GALNT16: variants seen among roughly 807,000 people sequenced by gnomAD.
The protein encoded by GALNT16 is UDP-GalNAc:polypeptide N-acetylgalactosaminyltransferase-like protein 1.
GALNT16 carries 40 observed loss-of-function variants against 76.1 expected under a neutral mutation model. The observed-to-expected ratio is 0.53, with a 90% CI of 0.41 to 0.68. GALNT16 has a LOEUF of 0.68. GALNT16 is among the 30% of genes least tolerant of loss of function. The pLI, the probability that GALNT16 is intolerant of heterozygous loss-of-function variation, is 0.00. For synonymous variants in GALNT16, 276 were observed against 285.2 expected (o/e 0.97, Z 0.32); for missense variants, 621 against 731.9 (o/e 0.85, Z 1.75).
chr14:69,326,720 C>T (rs1180570067), intron 5 of GALNT16, among the ~76,000 whole-genome samples: 1 of 152,266 alleles, frequency 6.6e-6, no homozygotes, highest in East Asian at 1.9e-4. Flanking sequence ...GCAATACTAA[C>T]AGCCCCTTTC....
chr14:69,332,991 G>A, intron 7 of GALNT16, 94 bp from the exon 8 acceptor site: 1 of 864,226 alleles, frequency 1.2e-6, no homozygotes, highest in Non-Finnish European at 2.0e-6. Context: ...CCAGGGCTCT[G>A]ATCAGGGGAG....
At chr14:69,295,864 T>C (rs564814941) in intron 1 of GALNT16, among the ~76,000 whole-genome samples, 2 of 152,296 alleles carry the variant, frequency 1.3e-5, no homozygotes, top group South Asian at 2.1e-4. Flanking sequence ...TAAGAAGATA[T>C]TTCTTTCACT....
chr14:69,356,325 G>A (rs762822824), downstream of GALNT16: 2 of 152,192 alleles, frequency 1.3e-5, no homozygotes, highest in Admixed American at 6.5e-5. Flanking sequence ...CTAGGGGTGC[G>A]GACTCTTGGG....
intron 1 of GALNT16, among the ~76,000 whole-genome samples, chr14:69,295,069 C>T (rs745835982): frequency 8.6e-5 from 13 of 152,022 alleles, no homozygotes; most frequent in African/African-American, 2.4e-4. Flanking sequence ...TAATCTATTA[C>T]GAAAAAATTT....
chr14:69,331,663 A>T lies in GALNT16; in HGVS notation c.778+112A>T. On this transcript the variant is annotated intron_variant, in intron 7 of 14. Coordinates refer to ENST00000448469, the MANE Select transcript of GALNT16 (RefSeq NM_001168368.2). ...TCCAGCTGTGCCAGAGACCCTCATG[A>T]ACACCCCTTCCACCACCTCCAAAGA... is the stretch of plus-strand genomic sequence containing the variant. The T allele has an allele frequency of 4.1e-6, 3 of 725,668 alleles. No individual in the cohort carries two copies. In the South Asian group the frequency reaches 4.6e-5, roughly 11 times the overall value. 45.0% of individuals were successfully genotyped at this position (725,668 alleles called of 1,614,324 possible).
chr14:69,310,598 G>A (rs1014431394), intron 1 of GALNT16, among the ~76,000 whole-genome samples: 3 of 152,164 alleles, frequency 2.0e-5, no homozygotes, highest in Non-Finnish European at 4.4e-5. Context: ...GTATGGTTCA[G>A]TGTACTGTGC....
the GALNT16 span, among the ~76,000 whole-genome samples, chr14:69,384,711 AAC>A: frequency 9.9e-6 from 1 of 100,768 alleles, no homozygotes; most frequent in Non-Finnish European, 2.1e-5. Context: ...CTCAAATAAC[AAC>A]ACAAGTGACG....
intron 1 of GALNT16, among the ~76,000 whole-genome samples, chr14:69,279,212 G>A (rs549738153): frequency 1.3e-5 from 2 of 152,260 alleles, no homozygotes; most frequent in East Asian, 3.9e-4. Context: ...GATTACAGGC[G>A]TGAGCCACCA....
chr14:69,294,313 G>A (rs1159992688), intron 1 of GALNT16, among the ~76,000 whole-genome samples: 2 of 152,104 alleles, frequency 1.3e-5, no homozygotes, highest in African/African-American at 4.8e-5. Context: ...GTAGAGATGG[G>A]GTTTCACCAT....
intron 1 of GALNT16, among the ~76,000 whole-genome samples, chr14:69,294,904 A>G (rs1052228695): frequency 2.0e-5 from 3 of 152,100 alleles, no homozygotes; most frequent in African/African-American, 7.2e-5. Flanking sequence ...TTTGAGGTTC[A>G]CCCATGTTGT....
chr14:69,293,566 T>C (rs1462734394), intron 1 of GALNT16, among the ~76,000 whole-genome samples: 2 of 152,204 alleles, frequency 1.3e-5, no homozygotes, highest in East Asian at 1.9e-4. Flanking sequence ...GGTGATGTCA[T>C]TGTGAGGTGG....
chr14:69,324,552 C>T (rs915681531), intron 2 of GALNT16, 140 bp from the exon 3 acceptor site: 90 of 499,856 alleles, frequency 1.8e-4, no homozygotes, highest in Middle Eastern at 3.3e-4. Flanking sequence ...GGTGGAGGCG[C>T]GGGGCCTCTG....
At chr14:69,331,661 T>G (rs2045354787) in intron 7 of GALNT16, 110 bp downstream of exon 7, 1 of 727,646 alleles carries the variant, frequency 1.4e-6, no homozygotes, top group Non-Finnish European at 2.5e-6. Flanking sequence ...GAGACCCTCA[T>G]GAACACCCCT....
chr14:69,320,221 G>A (rs1422987029), intron 1 of GALNT16, among the ~76,000 whole-genome samples: 6 of 152,352 alleles, frequency 3.9e-5, no homozygotes, highest in East Asian at 1.9e-4. Flanking sequence ...ATGGCCGGGC[G>A]CGGTGGCGCA....
intron 2 of GALNT16, among the ~76,000 whole-genome samples, chr14:69,323,415 G>C (rs1046283861): frequency 6.6e-6 from 1 of 152,226 alleles, no homozygotes; most frequent in African/African-American, 2.4e-5. Flanking sequence ...TGGGGTGTGG[G>C]TGGGTTTGCC....
intron 1 of GALNT16, among the ~76,000 whole-genome samples, chr14:69,277,329 C>T (rs560723347): frequency 2.6e-4 from 39 of 152,268 alleles, no homozygotes; most frequent in Admixed American, 1.1e-3. Context: ...CCCGTTAACT[C>T]GTCATTTACA....
chr14:69,271,971 T>C (rs553796900), intron 1 of GALNT16, among the ~76,000 whole-genome samples: 3 of 152,370 alleles, frequency 2.0e-5, no homozygotes, highest in Admixed American at 6.5e-5. Context: ...TTTTATTTAA[T>C]GTGGCTACTA....
chr14:69,277,321 C>T (rs574943964), intron 1 of GALNT16, among the ~76,000 whole-genome samples: 5 of 152,282 alleles, frequency 3.3e-5, no homozygotes, highest in South Asian at 2.1e-4. Flanking sequence ...GTGCTGCACC[C>T]GTTAACTCGT....
At chr14:69,260,594 T>A in intron 1 of GALNT16, 127 bp downstream of exon 1, 1 of 602,676 alleles carries the variant, frequency 1.7e-6, no homozygotes, top group Non-Finnish European at 2.3e-6. Context: ...CGGCTTTGTA[T>A]ATGTTGGAGC....
Sources: allele counts gnomAD v4.1 joint callset (sites outside exome capture counted in the v4.1 genomes callset), GRCh38; gene constraint gnomAD v4.1.1; transcripts MANE v1.5; gene names NCBI Gene and HGNC (gene_info 2026-07-23, HGNC 2026-07-21).